ATP6V1B1: variants seen among roughly 807,000 people sequenced by gnomAD.
The protein encoded by ATP6V1B1 is ATPase H+ transporting V1 subunit B1, also known as V-type proton ATPase subunit B, kidney isoform.
ATP6V1B1 carries 41 observed loss-of-function variants against 62.1 expected under a neutral mutation model. The observed-to-expected ratio is 0.66, with a 90% CI of 0.51 to 0.86. The LOEUF is 0.86. ATP6V1B1 is among the 40% of genes least tolerant of loss of function. ATP6V1B1 has a pLI of 0.00. For synonymous variants in ATP6V1B1, 253 were observed against 273.4 expected (o/e 0.93, Z 0.74); for missense variants, 651 against 697.5 (o/e 0.93, Z 0.75).
intron 2 of ATP6V1B1, among the ~76,000 whole-genome samples, chr2:70,947,021 T>C (rs1281563760): frequency 5.3e-5 from 8 of 152,216 alleles, no homozygotes; most frequent in African/African-American, 1.9e-4. Context: ...CAATTCTGTT[T>C]CTACAGCGCC....
chr2:70,957,912 T>G, intron 2 of ATP6V1B1, 134 bp from the exon 3 acceptor site: 28 of 845,994 alleles, frequency 3.3e-5, no homozygotes, highest in Non-Finnish European at 4.7e-5. Context: ...CCCAGCCCCT[T>G]GAGTTCATTT....
At chr2:70,950,751 C>T (rs542942109) in intron 2 of ATP6V1B1, among the ~76,000 whole-genome samples, 1 of 152,076 alleles carries the variant, frequency 6.6e-6, no homozygotes, top group East Asian at 1.9e-4. Flanking sequence ...GGAATTATGT[C>T]TCTTTTTCCG....
rs755323101 is a variant in ATP6V1B1, at chr2:70,961,457, C to T, written c.688-139C>T. 1.8e-3 allele frequency: 1,562 copies of T among 867,900 alleles called. 17 individuals are homozygous for T. Among genetic ancestry groups the T allele is most frequent in the Non-Finnish European group, 8.9e-4 (471 of 527,846 alleles). 53.8% of individuals were successfully genotyped at this position (867,900 alleles called of 1,614,324 possible). A position where few individuals can be genotyped will look rare whatever the true frequency, so the allele number is the denominator to read the frequency against. On this transcript the variant is annotated intron_variant, in intron 7 of 13. Coordinates refer to ENST00000234396, the MANE Select transcript of ATP6V1B1 (RefSeq NM_001692.4). ...CCTGCCCTTTCCAGCCCCGGGGTCA[C>T]CCCATGGCCTTGGTGTCTTCACCCC... is the stretch of plus-strand genomic sequence containing the variant.
At chr2:70,964,247 C>T in intron 11 of ATP6V1B1, 191 bp from the exon 12 acceptor site, 2 of 611,672 alleles carry the variant, frequency 3.3e-6, no homozygotes, top group East Asian at 3.0e-5. Flanking sequence ...CTCCACTGTT[C>T]TGTCTAGGGC....
chr2:70,954,208 C>A (rs1680381629), intron 2 of ATP6V1B1, among the ~76,000 whole-genome samples: 1 of 152,120 alleles, frequency 6.6e-6, no homozygotes, highest in Admixed American at 6.5e-5. Flanking sequence ...ATACTTTTAG[C>A]TTCTTCAACA....
chr2:70,963,381 G>C lies in ATP6V1B1; in HGVS notation c.1060+69G>C. On this transcript the variant is annotated intron_variant, in intron 10 of 13. Coordinates refer to ENST00000234396, the MANE Select transcript of ATP6V1B1 (RefSeq NM_001692.4). The surrounding 1 kb of genome is among the most constrained non-coding windows in gnomAD (Gnocchi z 4.3). ...TCCCTTTTCCAACCAGATACTTAAA[G>C]GGCCCACGTTGCTTTGCACAGATGT... 6.2e-7 allele frequency: 1 copy of C among 1,609,798 alleles called. No individual in the cohort carries two copies. The highest frequency in any genetic ancestry group is 8.5e-7 in the Non-Finnish European group (1 of 1,177,502).
intron 6 of ATP6V1B1, 142 bp from the exon 7 acceptor site, chr2:70,960,779 A>T: frequency 7.0e-6 from 1 of 142,082 alleles, no homozygotes; most frequent in Non-Finnish European, 1.4e-5. Context: ...CCCCCACCCC[A>T]AGAAAGACTA....
intron 1 of ATP6V1B1, chr2:70,941,702 G>C: frequency 1.0e-6 from 1 of 982,534 alleles, no homozygotes; most frequent in Non-Finnish European, 1.2e-6. Flanking sequence ...AGATATGCTT[G>C]AAGAAAGGAA....
chr2:70,964,389 GC>G, intron 11 of ATP6V1B1, 48 bp from the exon 12 acceptor site: 1 of 1,591,202 alleles, frequency 6.3e-7, no homozygotes, highest in South Asian at 1.1e-5. Flanking sequence ...GACAGGGGGA[GC>G]AAAGCTTGAG....
At chr2:70,958,775 C>A (rs1306851522) in intron 4 of ATP6V1B1, among the ~76,000 whole-genome samples, 7 of 152,180 alleles carry the variant, frequency 4.6e-5, no homozygotes, top group Admixed American at 4.6e-4. Context: ...CCTGGAATCC[C>A]CCATTAGAGT....
At chr2:70,958,812 G>A (rs1680509522) in intron 4 of ATP6V1B1, among the ~76,000 whole-genome samples, 1 of 152,154 alleles carries the variant, frequency 6.6e-6, no homozygotes, top group African/African-American at 2.4e-5. Context: ...GGCCTTGCCT[G>A]TAAAGGTTTC....
chr2:70,957,949 A>C, intron 2 of ATP6V1B1, 97 bp from the exon 3 acceptor site: 6 of 1,080,826 alleles, frequency 5.6e-6, no homozygotes, highest in Non-Finnish European at 8.3e-6. Context: ...ACTAGAGGGG[A>C]GAGAACAGTT....
chr2:70,943,784 T>A, intron 2 of ATP6V1B1, 71 bp downstream of exon 2: 1 of 1,585,200 alleles, frequency 6.3e-7, no homozygotes, highest in South Asian at 1.1e-5. Flanking sequence ...CCCTGCAGGA[T>A]TTCTTCTAAA....
chr2:70,940,369 C>G (rs1679963023), intron 1 of ATP6V1B1: 3 of 985,160 alleles, frequency 3.0e-6, no homozygotes, highest in South Asian at 4.7e-5. Flanking sequence ...GCCCACCCAC[C>G]CTGCATCTTT....
At chr2:70,940,500 C>T in intron 1 of ATP6V1B1, 1 of 985,418 alleles carries the variant, frequency 1.0e-6, no homozygotes. Flanking sequence ...CCTTTGCTTG[C>T]ACAATCCACT....
At chr2:70,941,965 G>T in intron 1 of ATP6V1B1, 1 of 1,009,580 alleles carries the variant, frequency 9.9e-7, no homozygotes, top group Non-Finnish European at 1.2e-6. Flanking sequence ...GGGAAGGAAA[G>T]CCAGCAGTGG....
At position 70,945,701 on chromosome 2, in the gene ATP6V1B1, G is replaced by GATATATATATAT. The variant is rs35710919; in HGVS notation, c.174+2018_174+2029dup. Among the ~76,000 whole-genome samples, 125 of 82,978 alleles carry GATATATATATAT rather than the reference G, an allele frequency of 1.5e-3. 2 individuals are homozygous for GATATATATATAT. Among genetic ancestry groups the GATATATATATAT allele is most frequent in the Non-Finnish European group, 1.9e-3 (84 of 44,918 alleles). The allele number at this position is 82,978 out of a possible 152,430, so 54.4% of individuals were successfully genotyped here. On this transcript the variant is annotated intron_variant, in intron 2 of 13. Transcript: ENST00000234396. ...TATCCTCTTTCTGGCTATTTGAAGA[G>GATATATATATAT]ATATATATATATATATATATATATA... is the stretch of plus-strand genomic sequence containing the variant.
In ATP6V1B1 at chr2:70,943,696, G is replaced by A. The variant is rs782734529; in HGVS notation, c.157G>A (p.Val53Met). The change falls in exon 2 of 14, where the codon GTG (valine) becomes ATG (methionine). Residue 53 changes from valine to methionine, a missense_variant. Transcript: ENST00000234396. ...TVCSVNGPLV[V>M]LDRVKFAQYA... Reference sequence around the variant, plus strand: ...GTGCAGCGTGAACGGGCCCCTGGTGGTGCTGGACCGGGTCAAGGTAAGACT... The same window carrying A: ...GTGCAGCGTGAACGGGCCCCTGGTGATGCTGGACCGGGTCAAGGTAAGACT... The A allele has an allele frequency of 1.2e-6, 2 of 1,613,850 alleles. No individual in the cohort carries two copies. The highest frequency in any genetic ancestry group is 1.7e-5 in the Admixed American group (1 of 60,028).
intron 2 of ATP6V1B1, among the ~76,000 whole-genome samples, chr2:70,950,460 T>C (rs1553418106): frequency 6.6e-6 from 1 of 151,924 alleles, no homozygotes; most frequent in Non-Finnish European, 1.5e-5. Context: ...TCTTCATTGT[T>C]TAGGACTTGT....
Sources: allele counts gnomAD v4.1 joint callset (sites outside exome capture counted in the v4.1 genomes callset), GRCh38; gene constraint gnomAD v4.1.1; non-coding constraint Gnocchi (gnomAD v3.1); transcripts MANE v1.5; gene names NCBI Gene and HGNC (gene_info 2026-07-23, HGNC 2026-07-21).